DENND1B: variants seen among roughly 807,000 people sequenced by gnomAD.
DENND1B encodes the protein DENN domain-containing protein 1B.
A neutral mutation model predicts 90.1 loss-of-function variants in DENND1B; 59 were observed. The ratio of observed to expected loss-of-function variants is 0.65; its 90% confidence interval spans 0.53 to 0.81. The LOEUF (loss-of-function observed/expected upper bound fraction) is 0.81. Ranked by LOEUF, DENND1B falls within the 40% of genes least tolerant of loss-of-function variation. The pLI is 0.00. For synonymous variants in DENND1B, 337 were observed against 324.6 expected (o/e 1.04, Z -0.41); for missense variants, 862 against 912.6 (o/e 0.94, Z 0.71).
chr1:197,519,587 A>C (rs1259197074), intron 20 of DENND1B, among the ~76,000 whole-genome samples: 1 of 151,968 alleles, frequency 6.6e-6, no homozygotes, highest in Non-Finnish European at 1.5e-5. Flanking sequence ...CATACAAATA[A>C]GCATAAAAAT....
At chr1:197,725,598 A>G (rs904661023) in intron 2 of DENND1B, among the ~76,000 whole-genome samples, 2 of 152,088 alleles carry the variant, frequency 1.3e-5, no homozygotes, top group African/African-American at 4.8e-5. Flanking sequence ...TTATTATTCT[A>G]TGAAACACTA....
At chr1:197,622,826 T>C (rs946198639) in intron 10 of DENND1B, among the ~76,000 whole-genome samples, 1 of 151,494 alleles carries the variant, frequency 6.6e-6, no homozygotes, top group Non-Finnish European at 1.5e-5. Context: ...TCTTAAACTA[T>C]ATTTATTAGA....
At chr1:197,743,599 C>T (rs958604667) in intron 2 of DENND1B, among the ~76,000 whole-genome samples, 1 of 152,166 alleles carries the variant, frequency 6.6e-6, no homozygotes, top group Non-Finnish European at 1.5e-5. Flanking sequence ...TTTGCCACAT[C>T]AATTCATTCT....
In DENND1B at chr1:197,512,287, T is replaced by A. The variant is rs142330629; in HGVS notation, c.1599-343A>T. Among the ~76,000 whole-genome samples, 104 of 151,854 alleles carry A rather than the reference T, an allele frequency of 6.8e-4. No homozygotes were observed. The East Asian group carries it at 0.02, about 30-fold the overall frequency. On this transcript the variant is annotated intron_variant, in intron 21 of 22. Transcript: ENST00000620048. ...GCCTAAATTCACTTTCAATATTTAA[T>A]ATGGTTTTCCTTTATTTAATCACTT...
intron 16 of DENND1B, among the ~76,000 whole-genome samples, chr1:197,551,669 T>C (rs941378725): frequency 6.6e-6 from 1 of 152,092 alleles, no homozygotes; most frequent in African/African-American, 2.4e-5. Flanking sequence ...CAAAATGTCA[T>C]CTTCAATTCT....
rs1667948650 is a variant in DENND1B at position 197,510,537 on chromosome 1, A to T, written c.2251T>A (p.Ser751Thr). Residue 751 changes from serine to threonine, a missense_variant, in exon 23 of 23, where the codon TCA becomes ACA. Transcript: ENST00000620048. ...AAGTCAGATGTCATATGACATAATGACACTACTTCATGGAGCAGTCCAATA... is the reference window on the plus strand; with the variant it reads ...AAGTCAGATGTCATATGACATAATGTCACTACTTCATGGAGCAGTCCAATA... ...EDIGLLHEVV[S>T]LCHMTSDFQQ... 1 of 1,612,440 alleles carries T rather than the reference A, an allele frequency of 6.2e-7. No homozygotes were observed. The highest frequency in any genetic ancestry group is 1.3e-5 in the African/African-American group (1 of 74,778).
intron 2 of DENND1B, among the ~76,000 whole-genome samples, chr1:197,739,126 G>T (rs896849246): frequency 6.6e-6 from 1 of 152,118 alleles, no homozygotes; most frequent in Non-Finnish European, 1.5e-5. Context: ...AAATGGGGGG[G>T]AAATCCCAGG....
At chr1:197,538,071 G>A (rs1424190219) in intron 20 of DENND1B, among the ~76,000 whole-genome samples, 4 of 152,124 alleles carry the variant, frequency 2.6e-5, no homozygotes, top group African/African-American at 7.2e-5. Flanking sequence ...GCTAATAGTA[G>A]TTGTCGTAAT....
At chr1:197,588,342 A>G (rs1020055415) in intron 14 of DENND1B, among the ~76,000 whole-genome samples, 2 of 152,204 alleles carry the variant, frequency 1.3e-5, no homozygotes, top group African/African-American at 2.4e-5. Context: ...TTCAAGTTCT[A>G]TATATTGTAC....
intron 2 of DENND1B, among the ~76,000 whole-genome samples, chr1:197,745,722 C>A (rs1278922318): frequency 1.3e-5 from 2 of 150,368 alleles, no homozygotes. Context: ...AATACAATTA[C>A]ACCATTTTCA....
rs1265041464 is a variant in DENND1B, at chr1:197,578,840, C to CA, written c.1149+4311dup. On this transcript the variant is annotated intron_variant, in intron 15 of 22. Transcript: ENST00000620048. ...GTACCCTAAAACTTAAAGTATAATA[C>CA]AAAAAAAAAAAGTCCCTCCCTTTAA... 4.1e-3 allele frequency among the ~76,000 whole-genome samples: 583 copies of CA among 143,336 alleles called. 1 individual carries two copies. The highest frequency in any genetic ancestry group is 0.014 in the African/African-American group (533 of 39,366). The allele number at this position is 143,336 out of a possible 152,430, so 94.0% of individuals were successfully genotyped here.
intron 3 of DENND1B, among the ~76,000 whole-genome samples, chr1:197,703,115 G>A (rs1464455488): frequency 6.6e-6 from 1 of 152,002 alleles, no homozygotes; most frequent in African/African-American, 2.4e-5. Flanking sequence ...AGTCTCCCAA[G>A]TAGCTGGGAT....
At chr1:197,577,683 C>T (rs1673806936) in intron 15 of DENND1B, among the ~76,000 whole-genome samples, 2 of 152,290 alleles carry the variant, frequency 1.3e-5, no homozygotes, top group South Asian at 4.2e-4. Flanking sequence ...TGTAAAGCTG[C>T]TAGCTAAAGA....
At chr1:197,637,968 A>G (rs1021091770) in intron 10 of DENND1B, among the ~76,000 whole-genome samples, 2 of 152,228 alleles carry the variant, frequency 1.3e-5, no homozygotes, top group Admixed American at 6.5e-5. Flanking sequence ...AAATGCTGAC[A>G]CAGGTGGCTC....
At chr1:197,577,786 C>G (rs1312801190) in intron 15 of DENND1B, among the ~76,000 whole-genome samples, 1 of 152,048 alleles carries the variant, frequency 6.6e-6, no homozygotes, top group African/African-American at 2.4e-5. Context: ...CAAATGGAAC[C>G]CACTATCATC....
At chr1:197,571,376 C>T (rs1339932356) in intron 15 of DENND1B, among the ~76,000 whole-genome samples, 1 of 152,172 alleles carries the variant, frequency 6.6e-6, no homozygotes, top group Non-Finnish European at 1.5e-5. Flanking sequence ...AACTCTTTTC[C>T]ATGCCCACAT....
rs374490914 is a variant in DENND1B at position 197,545,910 on chromosome 1, A to G, written c.1350+12T>C. 4 of 1,590,982 alleles carry G rather than the reference A, an allele frequency of 2.5e-6. No individual in the cohort carries two copies. The highest frequency in any genetic ancestry group is 3.4e-6 in the Non-Finnish European group (4 of 1,172,084). ...TTCATAAATAGGATTGTTAAATATC[A>G]AAAAAACTTACAAATTTATATGCTG... On this transcript the variant is annotated intron_variant, in intron 18 of 22. Coordinates refer to ENST00000620048, the MANE Select transcript of DENND1B (RefSeq NM_001195215.2).
intron 3 of DENND1B, among the ~76,000 whole-genome samples, chr1:197,707,645 A>G (rs894647409): frequency 6.8e-6 from 1 of 147,122 alleles, no homozygotes; most frequent in Non-Finnish European, 1.5e-5. Flanking sequence ...ATTATATAAT[A>G]TACATATATT....
At chr1:197,553,747 T>C (rs965983304) in intron 15 of DENND1B, among the ~76,000 whole-genome samples, 1 of 152,166 alleles carries the variant, frequency 6.6e-6, no homozygotes, top group African/African-American at 2.4e-5. Flanking sequence ...CTTTCATAGT[T>C]CCTGGCATAC....
Sources: allele counts gnomAD v4.1 joint callset (sites outside exome capture counted in the v4.1 genomes callset), GRCh38; gene constraint gnomAD v4.1.1; transcripts MANE v1.5; gene names NCBI Gene and HGNC (gene_info 2026-07-23, HGNC 2026-07-21).